ANGPT4: variants seen among roughly 807,000 people sequenced by gnomAD.
ANGPT4 encodes the protein angiopoietin-4.
ANGPT4 carries 50 observed loss-of-function variants against 53.0 expected under a neutral mutation model. The ratio of observed to expected loss-of-function variants is 0.94; its 90% CI spans 0.75 to 1.20. ANGPT4 has a LOEUF of 1.20. Ranked by LOEUF, ANGPT4 falls within the 50% of genes most tolerant of loss-of-function variation. ANGPT4 has a pLI of 0.00. For synonymous variants in ANGPT4, 251 were observed against 259.7 expected, an observed-to-expected ratio of 0.97 and a Z score of 0.32; for missense variants, 648 against 637.1, an observed-to-expected ratio of 1.02 and a Z score of -0.18.
At chr20:876,306 C>T (rs1568822322) in intron 7 of ANGPT4, among the ~76,000 whole-genome samples, 1 of 152,100 alleles carries the variant, frequency 6.6e-6, no homozygotes, top group Admixed American at 6.5e-5. Flanking sequence ...ATATGGTTGG[C>T]TCAGTCCCCA....
At chr20:902,887 G>C (rs942541375) in intron 1 of ANGPT4, among the ~76,000 whole-genome samples, 1 of 152,100 alleles carries the variant, frequency 6.6e-6, no homozygotes, top group East Asian at 1.9e-4. Flanking sequence ...AGACTGTCTG[G>C]ATATTTGTAG....
At chr20:879,517 TAAAAC>T (rs1322136528) in intron 6 of ANGPT4, among the ~76,000 whole-genome samples, 1 of 152,026 alleles carries the variant, frequency 6.6e-6, no homozygotes, top group Non-Finnish European at 1.5e-5. Context: ...TAAAAAAAAT[TAAAAC>T]AAAAATAAAG....
At chr20:888,176 T>C (rs1981686682) in intron 3 of ANGPT4, 142 bp downstream of exon 3, 1 of 1,161,036 alleles carries the variant, frequency 8.6e-7, no homozygotes. Flanking sequence ...CTGCAGGCCC[T>C]ATCCCAGACA....
chr20:880,583 G>C (rs1428834535), intron 5 of ANGPT4, among the ~76,000 whole-genome samples: 1 of 147,690 alleles, frequency 6.8e-6, no homozygotes, highest in African/African-American at 2.6e-5. Context: ...GCAAGACCCT[G>C]TCTCAAAAAA....
intron 3 of ANGPT4, 94 bp downstream of exon 3, chr20:888,224 C>T (rs2122796562): frequency 6.7e-7 from 1 of 1,483,944 alleles, no homozygotes; most frequent in Non-Finnish European, 9.0e-7. Flanking sequence ...GCTCCAGCCC[C>T]AGTCCTAGCC....
At chr20:887,582 G>C (rs1274013177) in intron 3 of ANGPT4, among the ~76,000 whole-genome samples, 1 of 151,096 alleles carries the variant, frequency 6.6e-6, no homozygotes. Flanking sequence ...TGAAACTGAG[G>C]TGAAATCAGC....
chr20:883,632 C>T (rs114406630), intron 4 of ANGPT4, among the ~76,000 whole-genome samples: 34 of 152,302 alleles, frequency 2.2e-4, no homozygotes, highest in African/African-American at 6.7e-4. Context: ...TAGTGGAGCA[C>T]GGGGGACAGG....
At chr20:879,926 C>A in intron 5 of ANGPT4, 78 bp from the exon 6 acceptor site, 1 of 1,057,654 alleles carries the variant, frequency 9.5e-7, no homozygotes, top group Non-Finnish European at 1.4e-6. Flanking sequence ...CCAAATGTGG[C>A]TAAGCAGACA....
chr20:886,282 T>C (rs1981617078), intron 3 of ANGPT4, among the ~76,000 whole-genome samples: 1 of 152,208 alleles, frequency 6.6e-6, no homozygotes, highest in Non-Finnish European at 1.5e-5. Context: ...AGTAAAAGGC[T>C]GGAAGCAACC....
At chr20:894,669 T>C (rs1981975635) in intron 1 of ANGPT4, among the ~76,000 whole-genome samples, 1 of 152,200 alleles carries the variant, frequency 6.6e-6, no homozygotes. Flanking sequence ...ATCCAGGTAC[T>C]GAGCACCTGC....
At chr20:893,756 A>G (rs914244156) in intron 1 of ANGPT4, among the ~76,000 whole-genome samples, 8 of 152,320 alleles carry the variant, frequency 5.3e-5, no homozygotes, top group African/African-American at 1.9e-4. Flanking sequence ...ATCTCAGGAA[A>G]TGGCTCCACC....
intron 1 of ANGPT4, among the ~76,000 whole-genome samples, chr20:899,529 A>G (rs1268457990): frequency 6.6e-6 from 1 of 152,004 alleles, no homozygotes; most frequent in African/African-American, 2.4e-5. Flanking sequence ...CTGGGATTAC[A>G]GGCATGAACC....
chr20:913,597 C>T (rs1008045121), intron 1 of ANGPT4, among the ~76,000 whole-genome samples: 8 of 152,224 alleles, frequency 5.3e-5, no homozygotes, highest in Non-Finnish European at 7.3e-5. Context: ...ATCCTGCAAG[C>T]CATCAGTTCA....
intron 8 of ANGPT4, among the ~76,000 whole-genome samples, chr20:873,678 G>A (rs1981042350): frequency 6.6e-6 from 1 of 151,762 alleles, no homozygotes; most frequent in Non-Finnish European, 1.5e-5. Flanking sequence ...GCCTCTCCTT[G>A]GGCTAAGTCT....
chr20:885,058 G>A lies in ANGPT4; in HGVS notation c.835+20C>T. The A allele has an allele frequency of 6.2e-7, 1 of 1,613,218 alleles. No individual in the cohort carries two copies. The highest frequency in any genetic ancestry group is 2.2e-5 in the East Asian group (1 of 44,872). On this transcript the variant is annotated intron_variant, in intron 4 of 8. Transcript: ENST00000381922. ...TCCTGCCCGTCTTTAGCCACACTGG[G>A]GCGCACACCGCTCACTCACCCGGGG...
chr20:909,005 C>T (rs1982594463), intron 1 of ANGPT4, among the ~76,000 whole-genome samples: 1 of 152,096 alleles, frequency 6.6e-6, no homozygotes, highest in African/African-American at 2.4e-5. Context: ...CTTAGTGTTC[C>T]CATCTGTAAA....
chr20:872,158 G>A lies in ANGPT4; in HGVS notation c.*802C>T, dbSNP rs1433132613. 2.0e-5 allele frequency: 3 copies of A among 152,246 alleles called. No individual in the cohort carries two copies. Among genetic ancestry groups the A allele is most frequent in the Non-Finnish European group, 2.9e-5 (2 of 68,066 alleles). The allele number at this position is 152,246 out of a possible 1,614,324, so 9.4% of individuals were successfully genotyped here. A position where few individuals can be genotyped will look rare whatever the true frequency, so the allele number is the denominator to read the frequency against. ...TAAAGGCTCTGATCAGTCCTGCAGTGAAGAGTGCCTGTTCACTTTGACTTA... is the reference window on the plus strand; with the variant it reads ...TAAAGGCTCTGATCAGTCCTGCAGTAAAGAGTGCCTGTTCACTTTGACTTA... On this transcript the variant is annotated 3_prime_UTR_variant, in exon 9 of 9. Transcript: ENST00000381922.
intron 3 of ANGPT4, 80 bp from the exon 4 acceptor site, chr20:885,405 G>T: frequency 3.5e-6 from 5 of 1,436,816 alleles, no homozygotes; most frequent in Non-Finnish European, 4.5e-6. Context: ...CGGCCCTGGA[G>T]TCCCTGCAGC....
chr20:874,159 C>T (rs1478841073), intron 8 of ANGPT4, 125 bp downstream of exon 8: 2 of 1,430,744 alleles, frequency 1.4e-6, no homozygotes, highest in African/African-American at 1.4e-5. Flanking sequence ...TATGGGTGGG[C>T]AAGGCCCAGA....
Sources: gnomAD v4.1 joint callset for allele counts (sites outside exome capture counted in the v4.1 genomes callset) on GRCh38, gnomAD v4.1.1 for gene constraint, MANE v1.5 for transcripts, NCBI Gene and HGNC (gene_info 2026-07-23, HGNC 2026-07-21) for gene names.